Variants in ARID1B observed in about 807,000 individuals in gnomAD.
The protein encoded by ARID1B is AT-rich interactive domain-containing protein 1B.
In ARID1B, 30 loss-of-function variants were observed where a neutral mutation model predicts 212.3. The ratio of observed to expected loss-of-function variants is 0.14; its 90% confidence interval spans 0.11 to 0.19. The LOEUF (loss-of-function observed/expected upper bound fraction) is 0.19, where lower values mean the gene tolerates loss of function less well. Ranked by LOEUF, ARID1B falls within the 10% of genes least tolerant of loss-of-function variation. The pLI is 1.00. For missense variants in ARID1B, 2,891 were observed against 3,204.0 expected (o/e 0.90, Z 2.36); for synonymous variants, 1,402 against 1,301.7 (o/e 1.08, Z -1.66).
At position 157,184,215 on chromosome 6, in the gene ARID1B, C is replaced by T. The variant is rs1471298151; in HGVS notation, c.3715-16C>T. 18 of 1,591,444 alleles carry T rather than the reference C, an allele frequency of 1.1e-5. No individual in the cohort carries two copies. Among genetic ancestry groups the T allele is most frequent in the Non-Finnish European group, 1.5e-5 (18 of 1,165,892 alleles). On this transcript the variant is annotated splice_polypyrimidine_tract_variant and intron_variant, in intron 12 of 19. Coordinates refer to ENST00000636930, the MANE Select transcript of ARID1B (RefSeq NM_001374828.1). ...ACTTTGTTGCAAACCAATGATCCTG[C>T]CGTGTTTTTCACTAGGTTAATAAAA... is the stretch of plus-strand genomic sequence containing the variant.
chr6:157,095,765 G>C (rs954855563), intron 5 of ARID1B, among the ~76,000 whole-genome samples: 1 of 152,080 alleles, frequency 6.6e-6, no homozygotes, highest in African/African-American at 2.4e-5. Context: ...GTTAGCAGCA[G>C]ACTTCCTCAT....
At chr6:156,856,083 G>T (rs995793003) in intron 2 of ARID1B, among the ~76,000 whole-genome samples, 1 of 152,110 alleles carries the variant, frequency 6.6e-6, no homozygotes. Flanking sequence ...TTCTTTGTAG[G>T]GTTGTTATGA....
chr6:157,068,649 AG>A (rs1783826429), intron 4 of ARID1B, among the ~76,000 whole-genome samples: 1 of 152,210 alleles, frequency 6.6e-6, no homozygotes, highest in Admixed American at 6.5e-5. Context: ...TCACTTACAA[AG>A]TTATATTTTT....
chr6:156,945,233 CTTTTTTTTT>C (rs1164805779), intron 4 of ARID1B, among the ~76,000 whole-genome samples: 4 of 32,660 alleles, frequency 1.2e-4, no homozygotes, highest in African/African-American at 3.3e-4. Context: ...CCGCATCCGG[CTTTTTTTTT>C]TTTTTTTTTT....
intron 5 of ARID1B, among the ~76,000 whole-genome samples, chr6:157,097,205 A>G (rs980764044): frequency 1.3e-5 from 2 of 152,362 alleles, no homozygotes; most frequent in African/African-American, 2.4e-5. Flanking sequence ...AAGAAAAAGC[A>G]TATTATTTTA....
chr6:156,893,221 T>C (rs1452346656), intron 2 of ARID1B, among the ~76,000 whole-genome samples: 1 of 152,072 alleles, frequency 6.6e-6, no homozygotes, highest in Non-Finnish European at 1.5e-5. Flanking sequence ...TTTTGTATTT[T>C]CACCACATTG....
chr6:156,905,250 G>GCGCACACACACA (rs1554265935), intron 3 of ARID1B, among the ~76,000 whole-genome samples: 72 of 143,838 alleles, frequency 5.0e-4, no homozygotes, highest in African/African-American at 7.8e-4. Flanking sequence ...ACATATGCAC[G>GCGCACACACACA]CACACACACA....
At chr6:157,130,876 G>A (rs1191645174) in intron 6 of ARID1B, among the ~76,000 whole-genome samples, 4 of 152,172 alleles carry the variant, frequency 2.6e-5, no homozygotes, top group South Asian at 2.1e-4. Flanking sequence ...CCCCTCTCCC[G>A]AACATAAAAC....
At chr6:156,829,027 A>G (rs1782954964) in intron 1 of ARID1B, among the ~76,000 whole-genome samples, 200 bp from the exon 2 acceptor site, 1 of 152,226 alleles carries the variant, frequency 6.6e-6, no homozygotes, top group Admixed American at 6.5e-5. Context: ...AAAAACTCCT[A>G]AAAGTAAAAA....
intron 7 of ARID1B, among the ~76,000 whole-genome samples, chr6:157,136,589 T>C (rs969658311): frequency 2.5e-4 from 38 of 152,178 alleles, no homozygotes; most frequent in African/African-American, 7.7e-4. Flanking sequence ...TGGTTGGGCA[T>C]GGTGGCTCAA....
At chr6:156,833,461 TGTAATTGG>T (rs970923906) in intron 2 of ARID1B, among the ~76,000 whole-genome samples, 5 of 152,180 alleles carry the variant, frequency 3.3e-5, no homozygotes, top group African/African-American at 4.8e-5. Context: ...AGTTTTTTTT[TGTAATTGG>T]GTTGATATTT....
At chr6:156,887,232 G>A (rs1471614428) in intron 2 of ARID1B, among the ~76,000 whole-genome samples, 1 of 152,194 alleles carries the variant, frequency 6.6e-6, no homozygotes, top group Non-Finnish European at 1.5e-5. Flanking sequence ...CCTCTCGGGA[G>A]AGCAGTGGGT....
In ARID1B at chr6:157,201,202, A is replaced by G; in HGVS notation, c.4977A>G (p.Pro1659=). Residue 1659 remains proline (P), a synonymous_variant, in exon 18 of 20, where the codon CCA becomes CCG. Coordinates refer to ENST00000636930, the MANE Select transcript of ARID1B (RefSeq NM_001374828.1). This position sits in a 1 kb window ranked among gnomAD's most constrained non-coding sequence, Gnocchi z 5.2. ...CCATGCAGCCCATCACACGCCCACCACAGCCGTCCTACCAGACGCCACCGT... is the reference window on the plus strand; with the variant it reads ...CCATGCAGCCCATCACACGCCCACCGCAGCCGTCCTACCAGACGCCACCGT... ...SASMQPITRP[P]QPSYQTPPSL... The G allele has an allele frequency of 6.2e-7, 1 of 1,613,742 alleles. No individual in the cohort carries two copies. Among genetic ancestry groups the G allele is most frequent in the Non-Finnish European group, 8.5e-7 (1 of 1,179,744 alleles).
At chr6:157,205,825 C>T in intron 19 of ARID1B, 1 of 251,866 alleles carries the variant, frequency 4.0e-6, no homozygotes, top group Non-Finnish European at 7.7e-6. Flanking sequence ...AGTACATTGT[C>T]TCTAAATCAG....
rs547288748 is a variant in ARID1B, at chr6:156,974,243, C to T, written c.2247+38667C>T. 2.0e-4 allele frequency among the ~76,000 whole-genome samples: 31 copies of T among 152,188 alleles called. 1 individual carries two copies. The East Asian group carries it at 2.3e-3, about 11-fold the overall frequency. ...CCTACAGTTCAGGATTTTTAAAACA[C>T]GTAGATTATTTTGGGAGCTTTATCT... On this transcript the variant is annotated intron_variant, in intron 4 of 19. Transcript: ENST00000636930.
chr6:157,006,051 C>T (rs1038721061), intron 4 of ARID1B, among the ~76,000 whole-genome samples: 24 of 152,248 alleles, frequency 1.6e-4, no homozygotes, highest in African/African-American at 4.8e-4. Context: ...ACAACACCCC[C>T]CATTGAGAGA....
intron 11 of ARID1B, among the ~76,000 whole-genome samples, chr6:157,180,437 G>A (rs1055027677): frequency 6.6e-6 from 1 of 151,720 alleles, no homozygotes; most frequent in Non-Finnish European, 1.5e-5. Context: ...TCCCGTGACT[G>A]GAAATCTACC....
At chr6:156,882,666 G>C (rs1017562776) in intron 2 of ARID1B, among the ~76,000 whole-genome samples, 1 of 152,158 alleles carries the variant, frequency 6.6e-6, no homozygotes, top group African/African-American at 2.4e-5. Flanking sequence ...TCTGTGAAAG[G>C]ATACTGATTC....
At chr6:157,057,992 TG>T (rs1327827449) in intron 4 of ARID1B, among the ~76,000 whole-genome samples, 1 of 152,210 alleles carries the variant, frequency 6.6e-6, no homozygotes, top group Non-Finnish European at 1.5e-5. Context: ...GAGTATTTTA[TG>T]GATGCACCCG....
Sources: allele counts gnomAD v4.1 joint callset (sites outside exome capture counted in the v4.1 genomes callset), GRCh38; gene constraint gnomAD v4.1.1; non-coding constraint Gnocchi (gnomAD v3.1); transcripts MANE v1.5; gene names NCBI Gene and HGNC (gene_info 2026-07-23, HGNC 2026-07-21).